BMPR2: variants seen among roughly 807,000 people sequenced by gnomAD.
The protein encoded by BMPR2 is bone morphogenetic protein receptor type-2.
Under a neutral mutation model 100.8 loss-of-function variants are expected in BMPR2, and 29 were observed. The observed-to-expected ratio is 0.29, with a 90% CI of 0.21 to 0.39. The LOEUF (loss-of-function observed/expected upper bound fraction) is 0.39, where lower values mean the gene tolerates loss of function less well. BMPR2 is among the 10% of genes least tolerant of loss of function. The pLI is 1.00. For synonymous variants in BMPR2, 382 were observed against 442.3 expected (o/e 0.86, Z 1.71); for missense variants, 1,011 against 1,274.5 (o/e 0.79, Z 3.15).
In BMPR2 at chr2:202,556,546, C is replaced by A. The variant is rs774669550; in HGVS notation, c.2866+15C>A. The A allele has an allele frequency of 6.2e-7, 1 of 1,608,086 alleles. No homozygotes were observed. The highest frequency in any genetic ancestry group is 8.5e-7 in the Non-Finnish European group (1 of 1,178,536). On this transcript the variant is annotated intron_variant, in intron 12 of 12. Transcript: ENST00000374580. ...CAGTATACAGAGTAAGTGGAGGGATCATATAATCTCTCCTGTGTGTCTTTT... is the reference window on the plus strand; with the variant it reads ...CAGTATACAGAGTAAGTGGAGGGATAATATAATCTCTCCTGTGTGTCTTTT...
Position 202,503,174 on chromosome 2 carries a change from C to T in BMPR2, c.419-10545C>T, listed in dbSNP as rs888956198. ...CGGTCATTGGCCAAATTCCCAACAG[C>T]ATTTGGGGTGTCCTGTTTAGAGGGG... On this transcript the variant is annotated intron_variant, in intron 3 of 12. Coordinates refer to ENST00000374580, the MANE Select transcript of BMPR2 (RefSeq NM_001204.7). This position sits in a 1 kb window ranked among gnomAD's most constrained non-coding sequence, Gnocchi z 4.0. 6.6e-6 allele frequency among the ~76,000 whole-genome samples: 1 copy of T among 152,226 alleles called. No homozygotes were observed. The highest frequency in any genetic ancestry group is 1.5e-5 in the Non-Finnish European group (1 of 68,030).
Position 202,556,074 on chromosome 2 carries a change from A to C in BMPR2, c.2409A>C (p.Thr803=). 1 of 1,614,232 alleles carries C rather than the reference A, an allele frequency of 6.2e-7. No homozygotes were observed. The highest frequency in any genetic ancestry group is 8.5e-7 in the Non-Finnish European group (1 of 1,180,050). ...TINAAEPHVV[T]VTMNGVAGRN... is the part of the protein sequence containing the mutation. ...ATGCAGCAGAACCTCATGTGGTGAC[A>C]GTCACCATGAATGGTGTGGCAGGTA... is the stretch of plus-strand genomic sequence containing the variant. The change falls in exon 12 of 13, where the codon ACA becomes ACC. Residue 803 remains threonine (T), a synonymous_variant. Coordinates refer to ENST00000374580, the MANE Select transcript of BMPR2 (RefSeq NM_001204.7).
intron 1 of BMPR2, among the ~76,000 whole-genome samples, chr2:202,463,897 C>T (rs1028810929): frequency 1.3e-5 from 2 of 152,046 alleles, no homozygotes; most frequent in East Asian, 1.9e-4. Flanking sequence ...TGGTGGCTCA[C>T]GCCTGTAATC....
intron 1 of BMPR2, among the ~76,000 whole-genome samples, chr2:202,401,717 A>G (rs1291245450): frequency 6.6e-6 from 1 of 152,238 alleles, no homozygotes; most frequent in African/African-American, 2.4e-5. Context: ...TAACAAATAT[A>G]GTGGACAAAA....
At chr2:202,398,216 A>G (rs1167757543) in intron 1 of BMPR2, among the ~76,000 whole-genome samples, 8 of 152,156 alleles carry the variant, frequency 5.3e-5, no homozygotes, top group Non-Finnish European at 1.2e-4. Flanking sequence ...ACTGTGATCT[A>G]CTTAAATGAG....
intron 9 of BMPR2, among the ~76,000 whole-genome samples, chr2:202,539,676 C>T (rs1354260347): frequency 1.3e-5 from 2 of 150,096 alleles, no homozygotes; most frequent in Non-Finnish European, 3.0e-5. Context: ...TGAAATGCTA[C>T]AAAGTTTAAA....
intron 3 of BMPR2, among the ~76,000 whole-genome samples, chr2:202,499,733 C>T (rs1294146454): frequency 2.0e-5 from 3 of 152,050 alleles, no homozygotes; most frequent in African/African-American, 7.2e-5. Context: ...GAGCCCTGAA[C>T]AAAAATCTAG....
chr2:202,385,361 CTT>C (rs1161944548), intron 1 of BMPR2, among the ~76,000 whole-genome samples: 67 of 86,304 alleles, frequency 7.8e-4, no homozygotes, highest in Non-Finnish European at 1.2e-3. Flanking sequence ...AAAAAAGATG[CTT>C]TTTTTTTTTT....
intron 9 of BMPR2, among the ~76,000 whole-genome samples, chr2:202,536,612 C>T (rs1044916253): frequency 6.6e-6 from 1 of 152,004 alleles, no homozygotes; most frequent in Non-Finnish European, 1.5e-5. Flanking sequence ...GTGGCTCACG[C>T]CTGTAATCCC....
At chr2:202,550,068 G>C (rs1254666189) in intron 10 of BMPR2, among the ~76,000 whole-genome samples, 2 of 152,004 alleles carry the variant, frequency 1.3e-5, no homozygotes, top group Non-Finnish European at 2.9e-5. Flanking sequence ...ACCACATCCA[G>C]CTAATTTTTA....
chr2:202,423,713 CACTGT>C (rs1691320668), intron 1 of BMPR2, among the ~76,000 whole-genome samples: 1 of 152,072 alleles, frequency 6.6e-6, no homozygotes, highest in South Asian at 2.1e-4. Flanking sequence ...ATGATGGCGC[CACTGT>C]ACTCTGGCCT....
At chr2:202,484,376 CT>C (rs1432630541) in intron 3 of BMPR2, among the ~76,000 whole-genome samples, 3 of 151,850 alleles carry the variant, frequency 2.0e-5, no homozygotes, top group Non-Finnish European at 4.4e-5. Flanking sequence ...TCTTTCCTTC[CT>C]TCCGAAAAAA....
intron 3 of BMPR2, 81 bp from the exon 4 acceptor site, chr2:202,513,638 C>T (rs780473387): frequency 9.7e-7 from 1 of 1,031,518 alleles, no homozygotes; most frequent in Admixed American, 1.8e-5. Context: ...TGGGTACAGC[C>T]TTTCTAAAGG....
At chr2:202,457,376 A>G (rs1044309847) in intron 1 of BMPR2, among the ~76,000 whole-genome samples, 12 of 151,714 alleles carry the variant, frequency 7.9e-5, no homozygotes, top group Middle Eastern at 3.2e-3. Flanking sequence ...TATCATGAAC[A>G]TGATATAATA....
In BMPR2 at chr2:202,377,161, G is replaced by A. The variant is rs1690165974; in HGVS notation, c.-314G>A. ...TTTTTTGATATCGTGAAACTACGAG[G>A]GAAATAATTTGGGGGATTTCTTCTT... On this transcript the variant is annotated 5_prime_UTR_variant, in exon 1 of 13. Coordinates refer to ENST00000374580, the MANE Select transcript of BMPR2 (RefSeq NM_001204.7). 1 of 587,046 alleles carries A rather than the reference G, an allele frequency of 1.7e-6. No individual in the cohort carries two copies. The highest frequency in any genetic ancestry group is 3.0e-5 in the Admixed American group (1 of 32,932). The allele number at this position is 587,046 out of a possible 1,614,324, so 36.4% of individuals were successfully genotyped here.
At position 202,556,472 on chromosome 2, in the gene BMPR2, A is replaced by G. The variant is rs1688575030; in HGVS notation, c.2807A>G (p.Gln936Arg). The G allele has an allele frequency of 6.2e-7, 1 of 1,614,232 alleles. No homozygotes were observed. The highest frequency in any genetic ancestry group is 8.5e-7 in the Non-Finnish European group (1 of 1,180,044). Residue 936 changes from glutamine (Q) to arginine (R), a missense_variant, in exon 12 of 13, where the codon CAG (glutamine) becomes CGG (arginine). By Grantham distance (43) the Gln-to-Arg change is conservative. This residue lies in a region of BMPR2 where 508 missense variants were observed against 552.0 expected (regional missense o/e 0.92). Coordinates refer to ENST00000374580, the MANE Select transcript of BMPR2 (RefSeq NM_001204.7). Reference protein sequence around the residue: ...DPGPSKPRRAQRPNSLDLSAT... With the variant: ...DPGPSKPRRARRPNSLDLSAT... ...GGGCCATCAAAGCCCAGAAGAGCACAGAGGCCTAATTCTCTGGATCTTTCA... is the reference window on the plus strand; with the variant it reads ...GGGCCATCAAAGCCCAGAAGAGCACGGAGGCCTAATTCTCTGGATCTTTCA...
intron 1 of BMPR2, among the ~76,000 whole-genome samples, chr2:202,461,242 CT>C (rs1692218655): frequency 6.6e-6 from 1 of 151,996 alleles, no homozygotes; most frequent in Non-Finnish European, 1.5e-5. Flanking sequence ...AATCCCAGCA[CT>C]TTGGGAGGCC....
At chr2:202,510,980 T>G (rs1275391082) in intron 3 of BMPR2, among the ~76,000 whole-genome samples, 2 of 144,988 alleles carry the variant, frequency 1.4e-5, no homozygotes, top group African/African-American at 5.0e-5. Context: ...CACCTGGCTT[T>G]AGTTTTTTTT....
chr2:202,460,536 A>G (rs1315734485), intron 1 of BMPR2, among the ~76,000 whole-genome samples: 1 of 152,184 alleles, frequency 6.6e-6, no homozygotes, highest in Non-Finnish European at 1.5e-5. Flanking sequence ...AATAGAAAAA[A>G]TAAAATTAGT....
Sources: allele counts gnomAD v4.1 joint callset (sites outside exome capture counted in the v4.1 genomes callset), GRCh38; gene constraint gnomAD v4.1.1; regional missense constraint gnomAD v4.1.1; non-coding constraint Gnocchi (gnomAD v3.1); transcripts MANE v1.5; gene names NCBI Gene and HGNC (gene_info 2026-07-23, HGNC 2026-07-21).